C1QTNF3: variants seen among roughly 807,000 people sequenced by gnomAD.
C1QTNF3 encodes the protein C1q and TNF related 3, also known as complement C1q tumor necrosis factor-related protein 3.
In C1QTNF3, 26 loss-of-function variants were observed where a neutral mutation model predicts 32.6. The observed-to-expected ratio is 0.80, with a 90% CI of 0.58 to 1.11. The LOEUF (loss-of-function observed/expected upper bound fraction) is 1.11, where lower values mean the gene tolerates loss of function less well. C1QTNF3 is among the 50% of genes least tolerant of loss of function. The pLI is 0.00. For synonymous variants in C1QTNF3, 155 were observed against 146.0 expected, an observed-to-expected ratio of 1.06 and a Z score of -0.44; for missense variants, 362 against 398.2, an observed-to-expected ratio of 0.91 and a Z score of 0.77.
the C1QTNF3 span, among the ~76,000 whole-genome samples, chr5:34,213,509 G>A: frequency 6.6e-6 from 1 of 151,262 alleles, no homozygotes; most frequent in Non-Finnish European, 1.5e-5. Flanking sequence ...AAAGGCAGAG[G>A]TTAATCATCG....
At chr5:34,098,924 T>C in the C1QTNF3 span, among the ~76,000 whole-genome samples, 7 of 152,118 alleles carry the variant, frequency 4.6e-5, no homozygotes, top group Admixed American at 6.6e-5. Flanking sequence ...ATACATGCTA[T>C]GTTCTGTTAT....
At chr5:34,046,541 A>T (rs1754988824), upstream of C1QTNF3, among the ~76,000 whole-genome samples, 1 of 152,182 alleles carries the variant, frequency 6.6e-6, no homozygotes, top group African/African-American at 2.4e-5. Context: ...TTGCCAGCAG[A>T]CCACCAGAAG....
At chr5:34,039,668 A>G (rs1245733128) in intron 1 of C1QTNF3, among the ~76,000 whole-genome samples, 1 of 152,212 alleles carries the variant, frequency 6.6e-6, no homozygotes, top group East Asian at 1.9e-4. Flanking sequence ...GCCTTTGGAC[A>G]GTTAATTTTC....
chr5:34,075,584 G>A, the C1QTNF3 span, among the ~76,000 whole-genome samples: 1 of 151,416 alleles, frequency 6.6e-6, no homozygotes. Flanking sequence ...TAATAAATAG[G>A]AAATGACAAA....
the C1QTNF3 span, among the ~76,000 whole-genome samples, chr5:34,133,292 T>C: frequency 6.6e-6 from 1 of 152,144 alleles, no homozygotes; most frequent in Non-Finnish European, 1.5e-5. Flanking sequence ...CTCTGAACTT[T>C]ATAGGTCATG....
chr5:34,154,050 T>A, the C1QTNF3 span, among the ~76,000 whole-genome samples: 3 of 151,822 alleles, frequency 2.0e-5, no homozygotes, highest in Non-Finnish European at 2.9e-5. Context: ...AAAAATGTCA[T>A]TTGGTATAAA....
chr5:34,131,648 A>T, the C1QTNF3 span, among the ~76,000 whole-genome samples: 2 of 152,214 alleles, frequency 1.3e-5, no homozygotes, highest in South Asian at 4.1e-4. Flanking sequence ...GAGAAGGATA[A>T]AGAGAGATTT....
the C1QTNF3 span, among the ~76,000 whole-genome samples, chr5:34,064,076 C>G: frequency 6.6e-6 from 1 of 152,094 alleles, no homozygotes; most frequent in Admixed American, 6.5e-5. Flanking sequence ...CTGGGCAGAC[C>G]AATGCTCGCA....
chr5:34,147,806 ATC>A, the C1QTNF3 span, among the ~76,000 whole-genome samples: 4 of 152,214 alleles, frequency 2.6e-5, no homozygotes, highest in South Asian at 8.3e-4. Context: ...GTACCCTCAT[ATC>A]TAAACTAAAA....
chr5:34,217,875 CA>C, the C1QTNF3 span, among the ~76,000 whole-genome samples: 6 of 152,208 alleles, frequency 3.9e-5, no homozygotes, highest in Admixed American at 3.3e-4. Context: ...GTTGGTGTGT[CA>C]TTAATCTAGG....
chr5:34,140,991 C>G, the C1QTNF3 span, among the ~76,000 whole-genome samples: 1 of 152,188 alleles, frequency 6.6e-6, no homozygotes, highest in Non-Finnish European at 1.5e-5. Flanking sequence ...AATTATGTCA[C>G]TTGTGTGCTG....
chr5:34,083,466 TAC>T, the C1QTNF3 span, among the ~76,000 whole-genome samples: 81 of 150,374 alleles, frequency 5.4e-4, 2 homozygotes, highest in East Asian at 0.015. Flanking sequence ...CAAAATTGGA[TAC>T]AGTTTGTAAT....
At chr5:34,207,331 T>C in the C1QTNF3 span, among the ~76,000 whole-genome samples, 3 of 151,560 alleles carry the variant, frequency 2.0e-5, no homozygotes, top group African/African-American at 7.3e-5. Flanking sequence ...TTCACAACCA[T>C]CATTATGAAA....
chr5:34,145,678 C>CAAAAAAAAAAAAAAAAAAAAAAAAAAAAA, the C1QTNF3 span, among the ~76,000 whole-genome samples: 3 of 96,944 alleles, frequency 3.1e-5, no homozygotes, highest in African/African-American at 8.1e-5. Flanking sequence ...AGAGACACAG[C>CAAAAAAAAAAAAAAAAAAAAAAAAAAAAA]AAAAAAAAAA....
the C1QTNF3 span, among the ~76,000 whole-genome samples, chr5:34,197,876 G>A: frequency 6.6e-6 from 1 of 152,068 alleles, no homozygotes; most frequent in Non-Finnish European, 1.5e-5. Flanking sequence ...TTAGTTCATA[G>A]ATTACTGTCC....
chr5:34,201,888 G>A, the C1QTNF3 span, among the ~76,000 whole-genome samples: 6 of 152,112 alleles, frequency 3.9e-5, no homozygotes, highest in Non-Finnish European at 7.3e-5. Context: ...TCAAAGGCAC[G>A]CAATCATTTC....
At chr5:34,122,467 T>C in the C1QTNF3 span, among the ~76,000 whole-genome samples, 3 of 152,220 alleles carry the variant, frequency 2.0e-5, no homozygotes, top group Non-Finnish European at 4.4e-5. Flanking sequence ...CCTCGTGTTT[T>C]CAGGAAAGTA....
chr5:34,034,410 T>C (rs999206308), intron 2 of C1QTNF3, among the ~76,000 whole-genome samples: 4 of 152,250 alleles, frequency 2.6e-5, no homozygotes, highest in African/African-American at 9.6e-5. Context: ...AAAGGTAAAC[T>C]CATTCATTAA....
At chr5:34,161,248 T>G in the C1QTNF3 span, among the ~76,000 whole-genome samples, 1 of 152,202 alleles carries the variant, frequency 6.6e-6, no homozygotes, top group African/African-American at 2.4e-5. Context: ...CAATTGGCAT[T>G]ATGCTTCAGA....
Sources: allele counts gnomAD v4.1 joint callset (sites outside exome capture counted in the v4.1 genomes callset), GRCh38; gene constraint gnomAD v4.1.1; transcripts MANE v1.5; gene names NCBI Gene and HGNC (gene_info 2026-07-23, HGNC 2026-07-21).